The following SEBOX variants were observed in gnomAD, a reference collection of about 807,000 sequenced individuals.
SEBOX encodes the protein homeobox protein SEBOX.
SEBOX carries 10 observed loss-of-function variants against 7.8 expected under a neutral mutation model. That is an observed-to-expected ratio of 1.28 (90% CI 0.79 to 2.17). SEBOX has a LOEUF of 2.17. Ranked by LOEUF, SEBOX falls within the 30% of genes most tolerant of loss-of-function variation. The probability of loss-of-function intolerance (pLI) is 0.00; values close to 1 mark genes in which losing one functional copy is unlikely to be tolerated. For missense variants in SEBOX, 240 were observed against 239.5 expected (o/e 1.00, Z -0.01); for synonymous variants, 98 against 91.5 (o/e 1.07, Z -0.40).
Position 28,364,904 on chromosome 17 carries a change from T to G in SEBOX, c.83A>C (p.Lys28Thr). ...CCTCTCCAGCTCCAGTAGCTGCCCT[T>G]TGCTGAAGGTGGTCCGCTTTCTCCG... ...SHRRKRTTFSKGQLLELERAF... is the reference protein window; with the variant it reads ...SHRRKRTTFSTGQLLELERAF... The change falls in exon 2 of 3, where the codon AAA (lysine) becomes ACA (threonine). Residue 28 changes from lysine (K) to threonine (T), a missense_variant. Lys to Thr is a moderately conservative substitution (Grantham distance 78). Transcript: ENST00000536498. The G allele has an allele frequency of 6.2e-7, 1 of 1,613,678 alleles. No homozygotes were observed. Among genetic ancestry groups the G allele is most frequent in the Non-Finnish European group, 8.5e-7 (1 of 1,179,768 alleles).
Position 28,364,096 on chromosome 17 carries a change from G to C in SEBOX, c.*172C>G, listed in dbSNP as rs1481913590. On this transcript the variant is annotated 3_prime_UTR_variant, in exon 3 of 3. Coordinates refer to ENST00000536498, the MANE Select transcript of SEBOX (RefSeq NM_001080837.4). ...TCTGCTTAGGACCTGCATCTAGGCT[G>C]GCCTGGAGGCCAGTGGAAGGGAGGG... Among the ~76,000 whole-genome samples, 2 of 152,200 alleles carry C rather than the reference G, an allele frequency of 1.3e-5. No individual in the cohort carries two copies. Among genetic ancestry groups the C allele is most frequent in the Non-Finnish European group, 2.9e-5 (2 of 68,030 alleles).
Position 28,364,612 on chromosome 17 carries a change from TC to T in SEBOX, c.228del (p.Asn77ThrfsTer7). ...WFQKRWAKII[K>X]NRKSGILSPG... ...GGGCTTAGAATTCCTGACTTCCTGT[TC>T]TTGATTATTTTGGCCCAGCGCTTCT... is the stretch of plus-strand genomic sequence containing the variant. On this transcript the variant is annotated frameshift_variant, in exon 3 of 3. Coordinates refer to ENST00000536498, the MANE Select transcript of SEBOX (RefSeq NM_001080837.4). LOFTEE classifies it low-confidence loss of function (END_TRUNC). The T allele has an allele frequency of 6.5e-7, 1 of 1,546,364 alleles. No individual in the cohort carries two copies. The highest frequency in any genetic ancestry group is 1.3e-5 in the South Asian group (1 of 79,096).
rs2067895313 is a variant in SEBOX, at chr17:28,364,841, T to C, written c.146A>G (p.His49Arg). The change falls in exon 2 of 3, where the codon CAT (histidine) becomes CGT (arginine). Residue 49 changes from histidine to arginine, a missense_variant. His to Arg is a conservative substitution (Grantham distance 29, BLOSUM62 0). Transcript: ENST00000536498. ...AAWPYPNISTHEHLAWVTCLP... is the reference protein window; with the variant it reads ...AAWPYPNISTREHLAWVTCLP... ...GCAAGTGACCCAGGCCAGGTGCTCA[T>C]GGGTGCTGATGTTGGGGTAGGGCCA... The C allele has an allele frequency of 6.2e-7, 1 of 1,613,782 alleles. No individual in the cohort carries two copies. Among genetic ancestry groups the C allele is most frequent in the South Asian group, 1.1e-5 (1 of 91,082 alleles).
rs2067883531 is a variant in SEBOX, at chr17:28,363,852, A to G, written c.*416T>C. On this transcript the variant is annotated 3_prime_UTR_variant, in exon 3 of 3. Coordinates refer to ENST00000536498, the MANE Select transcript of SEBOX (RefSeq NM_001080837.4). ...AGCACTCTCCTCTCCTACCTCACTT[A>G]GCAGTTAGCAAGGTAATGGCCTGGA... Among the ~76,000 whole-genome samples the G allele has an allele frequency of 6.6e-6, 1 of 152,202 alleles. No individual in the cohort carries two copies. Among genetic ancestry groups the G allele is most frequent in the South Asian group, 2.1e-4 (1 of 4,832 alleles).
intron 1 of SEBOX, 59 bp downstream of exon 1, chr17:28,365,062 G>T (rs143654577): frequency 1.8e-5 from 28 of 1,578,686 alleles, no homozygotes; most frequent in Non-Finnish European, 2.4e-5. Flanking sequence ...CTCTCCAACC[G>T]TCCTCATCCT....
Position 28,364,844 on chromosome 17 carries a change from G to C in SEBOX, c.143C>G (p.Thr48Ser), listed in dbSNP as rs1018829023. The change falls in exon 2 of 3, where the codon ACC becomes AGC. Residue 48 changes from threonine (T) to serine (S), a missense_variant. Transcript: ENST00000536498. ...AGTGACCCAGGCCAGGTGCTCATGGGTGCTGATGTTGGGGTAGGGCCATGC... is the reference window on the plus strand; with the variant it reads ...AGTGACCCAGGCCAGGTGCTCATGGCTGCTGATGTTGGGGTAGGGCCATGC... The part of the protein sequence containing the change: ...FAAWPYPNIS[T>S]HEHLAWVTCL... The C allele has an allele frequency of 3.1e-6, 5 of 1,613,824 alleles. No individual in the cohort carries two copies. The highest frequency in any genetic ancestry group is 1.3e-5 in the African/African-American group (1 of 74,914).
Position 28,364,245 on chromosome 17 carries a change from G to A in SEBOX, c.*23C>T, listed in dbSNP as rs1597808477. The A allele has an allele frequency of 6.3e-7, 1 of 1,585,664 alleles. No homozygotes were observed. ...GTGGGCCACAGGAGTCAGAGGAGGG[G>A]CCTTGCAAGTTCTGGACAAAGACTA... is the stretch of plus-strand genomic sequence containing the variant. On this transcript the variant is annotated 3_prime_UTR_variant, in exon 3 of 3. Transcript: ENST00000536498.
In SEBOX at chr17:28,364,372, CT is replaced by C. The variant is rs782594516; in HGVS notation, c.468del (p.Glu157ArgfsTer6). ...AVAPWGSAGA[S>X]EVHPSLERAT... Reference sequence around the variant, plus strand: ...GCTCGCTCTAAAGAAGGGTGGACCTCTGAAGCCCCAGCTGATCCCCATGGGG... The same window carrying C: ...GCTCGCTCTAAAGAAGGGTGGACCTCGAAGCCCCAGCTGATCCCCATGGGG... On this transcript the variant is annotated frameshift_variant, in exon 3 of 3. Transcript: ENST00000536498. LOFTEE classifies it high-confidence loss of function. 1 of 1,593,616 alleles carries C rather than the reference CT, an allele frequency of 6.3e-7. No homozygotes were observed. The highest frequency in any genetic ancestry group is 1.8e-5 in the Admixed American group (1 of 55,840).
At position 28,364,674 on chromosome 17, in the gene SEBOX, TTCTGGCCCCAGC is replaced by T. The variant is rs781921967; in HGVS notation, c.193-38_193-27del. ...CTGCTAGGAAAGAAGAAGGGGTCTGTTCTGGCCCCAGCATCCCCTCCACCCAGGGACAGGGGA... is the reference window on the plus strand; with the variant it reads ...CTGCTAGGAAAGAAGAAGGGGTCTGTATCCCCTCCACCCAGGGACAGGGGA... On this transcript the variant is annotated intron_variant, in intron 2 of 2. Transcript: ENST00000536498. 4 of 1,566,216 alleles carry T rather than the reference TTCTGGCCCCAGC, an allele frequency of 2.6e-6. No individual in the cohort carries two copies. In the African/African-American group the frequency reaches 5.5e-5, roughly 21 times the overall value.
In SEBOX at chr17:28,364,121, G is replaced by A. The variant is rs535900056; in HGVS notation, c.*147C>T. On this transcript the variant is annotated 3_prime_UTR_variant, in exon 3 of 3. Transcript: ENST00000536498. ...GGCCTGGAGGCCAGTGGAAGGGAGG[G>A]ATGCCTGAGCTAAACTCCTTTCCCG... The A allele has an allele frequency of 2.0e-5, 16 of 808,308 alleles. No homozygotes were observed. The East Asian group carries it at 4.1e-4, about 21-fold the overall frequency. The allele number at this position is 808,308 out of a possible 1,614,324, so 50.1% of individuals were successfully genotyped here.
Position 28,364,521 on chromosome 17 carries a change from TG to T in SEBOX, c.319del (p.Gln107LysfsTer29), listed in dbSNP as rs782271427. 2 of 1,604,778 alleles carry T rather than the reference TG, an allele frequency of 1.2e-6. No individual in the cohort carries two copies. The highest frequency in any genetic ancestry group is 1.7e-4 in the Middle Eastern group (1 of 5,976). ...PDTLQQPWDP[Q>X]MPGQPPPSSG... ...GGAGGGTGGAGGTTGGCCTGGCATTTGGGGATCCCAGGGCTGCTGGAGGGTG... is the reference window on the plus strand; with the variant it reads ...GGAGGGTGGAGGTTGGCCTGGCATTTGGGATCCCAGGGCTGCTGGAGGGTG... On this transcript the variant is annotated frameshift_variant, in exon 3 of 3. Transcript: ENST00000536498. LOFTEE classifies it low-confidence loss of function (END_TRUNC).
chr17:28,364,756 G>A (rs1199600629), intron 2 of SEBOX, 39 bp downstream of exon 2: 15 of 1,611,792 alleles, frequency 9.3e-6, no homozygotes, highest in Non-Finnish European at 1.3e-5. Flanking sequence ...TGTGGGCCAA[G>A]CCTAGATGTT....
Position 28,364,284 on chromosome 17 carries a change from T to C in SEBOX, c.557A>G (p.Asn186Ser), listed in dbSNP as rs1555582610. 10 of 1,607,848 alleles carry C rather than the reference T, an allele frequency of 6.2e-6. No individual in the cohort carries two copies. Among genetic ancestry groups the C allele is most frequent in the Non-Finnish European group, 8.5e-6 (10 of 1,177,176 alleles). Residue 186 changes from asparagine to serine, a missense_variant, in exon 3 of 3, where the codon AAT becomes AGT. Transcript: ENST00000536498. The stretch of plus-strand genomic sequence containing the variant: ...GGACAAAGACTAGGAGTGGTCCACA[T>C]TGACGACAATGGCCAAGGCATAGAT... ...DLIYALAIVV[N>S]VDHS is the part of the protein sequence containing the mutation.
rs900154340 is a variant in SEBOX, at chr17:28,364,045, G to A, written c.*223C>T. ...GCATATGCCCCAAAGGGGTCAGGGT[G>A]TGGGGTGGCAGGAGCCAGGCCCCAG... On this transcript the variant is annotated 3_prime_UTR_variant, in exon 3 of 3. Coordinates refer to ENST00000536498, the MANE Select transcript of SEBOX (RefSeq NM_001080837.4). Among the ~76,000 whole-genome samples the A allele has an allele frequency of 3.9e-5, 6 of 152,220 alleles. No individual in the cohort carries two copies. Among genetic ancestry groups the A allele is most frequent in the African/African-American group, 1.4e-4 (6 of 41,456 alleles).
Position 28,363,880 on chromosome 17 carries a change from G to T in SEBOX, c.*388C>A, listed in dbSNP as rs1316602846. ...AGTTAGCAAGGTAATGGCCTGGAGAGACCTCAGGAGACAGGAGCCTGCCCC... is the reference window on the plus strand; with the variant it reads ...AGTTAGCAAGGTAATGGCCTGGAGATACCTCAGGAGACAGGAGCCTGCCCC... On this transcript the variant is annotated 3_prime_UTR_variant, in exon 3 of 3. Coordinates refer to ENST00000536498, the MANE Select transcript of SEBOX (RefSeq NM_001080837.4). 6.6e-6 allele frequency among the ~76,000 whole-genome samples: 1 copy of T among 152,192 alleles called. No individual in the cohort carries two copies. Among genetic ancestry groups the T allele is most frequent in the Non-Finnish European group, 1.5e-5 (1 of 68,032 alleles).
chr17:28,364,299 A>G lies in SEBOX; in HGVS notation c.542T>C (p.Leu181Ser), dbSNP rs9910163. The G allele has an allele frequency of 0.78, 1,257,231 of 1,604,922 alleles. 495,899 individuals are homozygous for G. The highest frequency in any genetic ancestry group is 1 in the East Asian group (44,347 of 44,524). ...LGSLSDLIYA[L>S]AIVVNVDHS ...GTGGTCCACATTGACGACAATGGCC[A>G]AGGCATAGATGAGGTCAGACAGGCT... The change falls in exon 3 of 3, where the codon TTG becomes TCG. Residue 181 changes from leucine to serine, a missense_variant. By Grantham distance (145) the Leu-to-Ser change is moderately radical. Coordinates refer to ENST00000536498, the MANE Select transcript of SEBOX (RefSeq NM_001080837.4).
At position 28,364,523 on chromosome 17, in the gene SEBOX, G is replaced by T; in HGVS notation, c.318C>A (p.Pro106=). Residue 106 remains proline, a synonymous_variant, in exon 3 of 3, where the codon CCC becomes CCA. Transcript: ENST00000536498. ...AGGGTGGAGGTTGGCCTGGCATTTGGGGATCCCAGGGCTGCTGGAGGGTGT... is the reference window on the plus strand; with the variant it reads ...AGGGTGGAGGTTGGCCTGGCATTTGTGGATCCCAGGGCTGCTGGAGGGTGT... ...LPDTLQQPWD[P]QMPGQPPPSS... The T allele has an allele frequency of 6.2e-7, 1 of 1,604,050 alleles. No individual in the cohort carries two copies. The highest frequency in any genetic ancestry group is 8.5e-7 in the Non-Finnish European group (1 of 1,173,234).
At position 28,364,866 on chromosome 17, in the gene SEBOX, A is replaced by G; in HGVS notation, c.121T>C (p.Trp41Arg). ...TGGGTGCTGATGTTGGGGTAGGGCC[A>G]TGCTGCAAACGCCCTCTCCAGCTCC... ...LLELERAFAA[W>R]PYPNISTHEH... The change falls in exon 2 of 3, where the codon TGG (tryptophan) becomes CGG (arginine). Residue 41 changes from tryptophan to arginine, a missense_variant. By Grantham distance (101) the Trp-to-Arg change is moderately radical (BLOSUM62 -3). Coordinates refer to ENST00000536498, the MANE Select transcript of SEBOX (RefSeq NM_001080837.4). The G allele has an allele frequency of 6.2e-7, 1 of 1,613,936 alleles. No homozygotes were observed. The highest frequency in any genetic ancestry group is 8.5e-7 in the Non-Finnish European group (1 of 1,179,848).
chr17:28,364,294 T>A lies in SEBOX; in HGVS notation c.547A>T (p.Ile183Phe). Residue 183 changes from isoleucine (I) to phenylalanine (F), a missense_variant, in exon 3 of 3, where the codon ATT becomes TTT. By Grantham distance (21) the Ile-to-Phe change is conservative. Transcript: ENST00000536498. The stretch of plus-strand genomic sequence containing the variant: ...TAGGAGTGGTCCACATTGACGACAA[T>A]GGCCAAGGCATAGATGAGGTCAGAC... Reference protein sequence around the residue: ...SLSDLIYALAIVVNVDHS With the variant: ...SLSDLIYALAFVVNVDHS 1 of 1,607,850 alleles carries A rather than the reference T, an allele frequency of 6.2e-7. No homozygotes were observed. Among genetic ancestry groups the A allele is most frequent in the Non-Finnish European group, 8.5e-7 (1 of 1,177,116 alleles).
Sources: gnomAD v4.1 joint callset for allele counts (sites outside exome capture counted in the v4.1 genomes callset) on GRCh38, gnomAD v4.1.1 for gene constraint, MANE v1.5 for transcripts, NCBI Gene and HGNC (gene_info 2026-07-23, HGNC 2026-07-21) for gene names.